Variants in TMEM131 observed in about 807,000 individuals in gnomAD.
TMEM131 encodes the protein 2610524E03Rik.
TMEM131 carries 66 observed loss-of-function variants against 211.6 expected under a neutral mutation model. The observed-to-expected ratio is 0.31, with a 90% CI of 0.26 to 0.38. TMEM131 has a LOEUF of 0.38. Among genes scored for constraint, TMEM131 ranks in the 10% least tolerant of loss-of-function variants. The pLI is 1.00. For synonymous variants in TMEM131, 844 were observed against 841.3 expected (o/e 1.00, Z -0.06); for missense variants, 2,036 against 2,299.3 (o/e 0.89, Z 2.34).
intron 11 of TMEM131, among the ~76,000 whole-genome samples, chr2:97,819,694 AT>A (rs1452774050): frequency 2.0e-5 from 3 of 152,138 alleles, no homozygotes; most frequent in African/African-American, 7.2e-5. Flanking sequence ...CGTGGGTTGT[AT>A]TTGTTGAATT....
At chr2:97,790,401 A>G (rs1680447268) in intron 31 of TMEM131, among the ~76,000 whole-genome samples, 1 of 152,240 alleles carries the variant, frequency 6.6e-6, no homozygotes, top group Admixed American at 6.5e-5. Flanking sequence ...GCGCCTGCAA[A>G]GCTTCTAACC....
intron 2 of TMEM131, among the ~76,000 whole-genome samples, chr2:97,923,184 G>A (rs1676817780): frequency 6.6e-6 from 1 of 152,194 alleles, no homozygotes; most frequent in African/African-American, 2.4e-5. Flanking sequence ...GGTGGCTGAG[G>A]CAAGAGAACT....
intron 11 of TMEM131, among the ~76,000 whole-genome samples, chr2:97,831,170 A>G (rs1341206787): frequency 6.6e-6 from 1 of 152,220 alleles, no homozygotes; most frequent in Non-Finnish European, 1.5e-5. Flanking sequence ...CTGCCCTTCC[A>G]TGTCTGTAAG....
intron 1 of TMEM131, among the ~76,000 whole-genome samples, chr2:97,990,180 G>A (rs911164519): frequency 1.8e-4 from 27 of 152,180 alleles, no homozygotes; most frequent in Middle Eastern, 3.4e-3. Context: ...CAGTAGCTTC[G>A]AATACCAAAT....
chr2:97,766,710 A>C, intron 33 of TMEM131, 108 bp from the exon 34 acceptor site: 1 of 1,363,498 alleles, frequency 7.3e-7, no homozygotes, highest in Non-Finnish European at 1.0e-6. Flanking sequence ...CAGGAAGCTA[A>C]TGTGGCTTCC....
chr2:97,756,404 T>C lies in TMEM131; in HGVS notation c.*695A>G, dbSNP rs563656433. On this transcript the variant is annotated 3_prime_UTR_variant, in exon 41 of 41. Coordinates refer to ENST00000186436, the MANE Select transcript of TMEM131 (RefSeq NM_015348.2). Reference sequence around the variant, plus strand: ...GTATTTTTAAGAAATACACATTCAATCTTGTATCTCAAGACTTGGCTATGT... The same window carrying C: ...GTATTTTTAAGAAATACACATTCAACCTTGTATCTCAAGACTTGGCTATGT... 23 of 152,372 alleles carry C rather than the reference T, an allele frequency of 1.5e-4. No individual in the cohort carries two copies. The highest frequency in any genetic ancestry group is 5.5e-4 in the African/African-American group (23 of 41,596). The allele number at this position is 152,372 out of a possible 1,614,324, so 9.4% of individuals were successfully genotyped here. A position where few individuals can be genotyped will look rare whatever the true frequency, so the allele number is the denominator to read the frequency against.
At chr2:97,979,597 T>C (rs996422069) in intron 1 of TMEM131, among the ~76,000 whole-genome samples, 1 of 152,194 alleles carries the variant, frequency 6.6e-6, no homozygotes, top group African/African-American at 2.4e-5. Context: ...TGCCAACTGT[T>C]CTTCTGCAGC....
chr2:97,889,768 C>A lies in TMEM131; in HGVS notation c.291-1648G>T, dbSNP rs75926760. Among the ~76,000 whole-genome samples the A allele has an allele frequency of 3.2e-3, 491 of 151,932 alleles. 7 individuals carry two copies. In the East Asian group the frequency reaches 0.041, roughly 13 times the overall value. On this transcript the variant is annotated intron_variant, in intron 3 of 40. Coordinates refer to ENST00000186436, the MANE Select transcript of TMEM131 (RefSeq NM_015348.2). ...CCAGGTGGGGTAAAAAAGTATATACCCCATCCATTCAATACAAATGTATGA... is the reference window on the plus strand; with the variant it reads ...CCAGGTGGGGTAAAAAAGTATATACACCATCCATTCAATACAAATGTATGA...
chr2:97,770,004 C>G (rs1017914981), intron 33 of TMEM131, among the ~76,000 whole-genome samples: 2 of 152,244 alleles, frequency 1.3e-5, no homozygotes, highest in African/African-American at 4.8e-5. Flanking sequence ...ACAAAGCTTC[C>G]GAAAGACAGC....
chr2:97,771,623 C>T (rs909435913), intron 33 of TMEM131, among the ~76,000 whole-genome samples: 5 of 152,242 alleles, frequency 3.3e-5, no homozygotes, highest in African/African-American at 1.2e-4. Flanking sequence ...AAAGGTATTA[C>T]TGATGCACCA....
At chr2:97,925,223 T>G (rs930635924) in intron 2 of TMEM131, among the ~76,000 whole-genome samples, 1 of 152,174 alleles carries the variant, frequency 6.6e-6, no homozygotes, top group African/African-American at 2.4e-5. Context: ...AGATTCAGGT[T>G]TATTAAATTA....
chr2:97,833,203 TG>T (rs1302314989), intron 11 of TMEM131, among the ~76,000 whole-genome samples, 161 bp downstream of exon 11: 19 of 152,326 alleles, frequency 1.2e-4, no homozygotes, highest in African/African-American at 4.6e-4. Flanking sequence ...TCCGGGTGGC[TG>T]GGGCAGAACA....
intron 1 of TMEM131, among the ~76,000 whole-genome samples, chr2:97,973,650 G>A (rs1041780034): frequency 6.6e-6 from 1 of 152,174 alleles, no homozygotes; most frequent in Non-Finnish European, 1.5e-5. Context: ...CCCCAACGCT[G>A]GGGAAGGAAC....
chr2:97,954,964 C>T (rs1346565892), intron 1 of TMEM131, among the ~76,000 whole-genome samples: 5 of 151,906 alleles, frequency 3.3e-5, no homozygotes, highest in African/African-American at 4.8e-5. Context: ...GAACATTTCC[C>T]AACTCATCTA....
At chr2:97,916,204 C>T (rs780710343) in intron 2 of TMEM131, among the ~76,000 whole-genome samples, 6 of 152,214 alleles carry the variant, frequency 3.9e-5, no homozygotes, top group African/African-American at 4.8e-5. Context: ...GCGTGGGCCA[C>T]GGCACCCAGC....
At chr2:97,884,870 T>C (rs1364194086) in intron 4 of TMEM131, among the ~76,000 whole-genome samples, 1 of 152,236 alleles carries the variant, frequency 6.6e-6, no homozygotes, top group African/African-American at 2.4e-5. Context: ...TCAGCCAGTT[T>C]ATATCTTTTA....
chr2:97,935,187 C>G (rs530907989), intron 1 of TMEM131, among the ~76,000 whole-genome samples: 96 of 152,164 alleles, frequency 6.3e-4, no homozygotes, highest in Middle Eastern at 3.4e-3. Context: ...ATCCAATAAG[C>G]AAGTGAAAAG....
At chr2:97,982,392 C>T (rs932532889) in intron 1 of TMEM131, among the ~76,000 whole-genome samples, 6 of 152,038 alleles carry the variant, frequency 3.9e-5, no homozygotes, top group African/African-American at 1.4e-4. Context: ...GTTATGAGTT[C>T]TTTATACATT....
At chr2:97,817,537 C>G (rs1681889537) in intron 12 of TMEM131, among the ~76,000 whole-genome samples, 1 of 152,212 alleles carries the variant, frequency 6.6e-6, no homozygotes, top group South Asian at 2.1e-4. Flanking sequence ...GAACACTTTA[C>G]CACAAATGTA....
Sources: allele counts gnomAD v4.1 joint callset (sites outside exome capture counted in the v4.1 genomes callset), GRCh38; gene constraint gnomAD v4.1.1; transcripts MANE v1.5; gene names NCBI Gene and HGNC (gene_info 2026-07-23, HGNC 2026-07-21).